The following IL1RAPL2 variants were observed in gnomAD, a reference collection of about 807,000 sequenced individuals.
IL1RAPL2 encodes the protein X-linked interleukin-1 receptor accessory protein-like 2.
Under a neutral mutation model 44.1 loss-of-function variants are expected in IL1RAPL2, and 3 were observed. The observed-to-expected ratio is 0.07, with a 90% confidence interval of 0.03 to 0.18. IL1RAPL2 has a LOEUF of 0.18. IL1RAPL2 is among the 10% of genes least tolerant of loss of function. IL1RAPL2 has a pLI of 1.00. For missense variants in IL1RAPL2, 391 were observed against 496.4 expected, an observed-to-expected ratio of 0.79 and a Z score of 2.02; for synonymous variants, 181 against 178.8, an observed-to-expected ratio of 1.01 and a Z score of -0.10.
intron 5 of IL1RAPL2, among the ~76,000 whole-genome samples, chrX:105,342,717 T>C (rs1465604699): frequency 8.9e-6 from 1 of 112,385 alleles, no homozygotes; most frequent in Non-Finnish European, 1.9e-5. Flanking sequence ...GGACAAAATG[T>C]TGAAAATATC....
chrX:104,935,605 C>T (rs1925005937), intron 2 of IL1RAPL2, among the ~76,000 whole-genome samples: 1 of 112,105 alleles, frequency 8.9e-6, no homozygotes, highest in Non-Finnish European at 1.9e-5. Context: ...CCGAGGCTTT[C>T]CTTCAAACAT....
intron 2 of IL1RAPL2, among the ~76,000 whole-genome samples, chrX:104,859,536 A>G (rs747398653): frequency 7.2e-5 from 8 of 111,879 alleles, no homozygotes; most frequent in Non-Finnish European, 1.3e-4. Context: ...TGTGTATCCA[A>G]TGTGAAACAT....
chrX:104,947,629 A>C (rs1215464241), intron 2 of IL1RAPL2, among the ~76,000 whole-genome samples: 2 of 105,425 alleles, frequency 1.9e-5, no homozygotes, highest in Non-Finnish European at 3.9e-5. Flanking sequence ...TCAGCTTTCT[A>C]CATATGGCTA....
At chrX:104,915,201 A>G (rs1924378661) in intron 2 of IL1RAPL2, among the ~76,000 whole-genome samples, 1 of 110,825 alleles carries the variant, frequency 9.0e-6, no homozygotes, top group Admixed American at 9.6e-5. Flanking sequence ...AAGTGTTCCT[A>G]TTTCTCCACA....
At chrX:104,869,957 ATC>A (rs904318745) in intron 2 of IL1RAPL2, among the ~76,000 whole-genome samples, 5 of 111,666 alleles carry the variant, frequency 4.5e-5, no homozygotes, top group African/African-American at 1.6e-4. Flanking sequence ...TTTTTTATTT[ATC>A]TCTGTTTAGA....
At chrX:105,520,425 C>T (rs1201181114) in intron 6 of IL1RAPL2, among the ~76,000 whole-genome samples, 1 of 111,647 alleles carries the variant, frequency 9.0e-6, no homozygotes, top group Admixed American at 9.5e-5. Flanking sequence ...GATTAATCAC[C>T]TGTCAAATTT....
At chrX:104,639,332 G>A (rs1929887760) in intron 1 of IL1RAPL2, among the ~76,000 whole-genome samples, 1 of 110,959 alleles carries the variant, frequency 9.0e-6, no homozygotes, top group African/African-American at 3.3e-5. Context: ...GGTAAGGTGA[G>A]TTTCTTGTAG....
chrX:105,513,229 A>G (rs2036484764), intron 6 of IL1RAPL2, among the ~76,000 whole-genome samples: 1 of 111,635 alleles, frequency 9.0e-6, no homozygotes, highest in South Asian at 3.8e-4. Context: ...CAATAAACAT[A>G]CGTGTGCATG....
chrX:104,878,610 A>G (rs148256070), intron 2 of IL1RAPL2, among the ~76,000 whole-genome samples: 1 of 111,920 alleles, frequency 8.9e-6, no homozygotes, highest in Non-Finnish European at 1.9e-5. Flanking sequence ...ATGGCTAATC[A>G]TAGTTAAACT....
At chrX:104,949,978 G>A (rs1402359983) in intron 2 of IL1RAPL2, among the ~76,000 whole-genome samples, 1 of 110,727 alleles carries the variant, frequency 9.0e-6, no homozygotes, top group African/African-American at 3.3e-5. Context: ...TATCCTTGTT[G>A]ACTTTCTGTC....
At chrX:104,671,014 T>A (rs1471344831) in intron 2 of IL1RAPL2, among the ~76,000 whole-genome samples, 2 of 111,508 alleles carry the variant, frequency 1.8e-5, no homozygotes, top group Non-Finnish European at 3.8e-5. Context: ...TTGTAGCATA[T>A]AATATATGGC....
At chrX:105,384,491 A>T (rs1034916723) in intron 5 of IL1RAPL2, among the ~76,000 whole-genome samples, 1 of 111,301 alleles carries the variant, frequency 9.0e-6, no homozygotes, top group African/African-American at 3.3e-5. Flanking sequence ...TGCCAGTAGC[A>T]TGCTGTTTTG....
chrX:105,683,793 T>G (rs1359502832), intron 6 of IL1RAPL2, among the ~76,000 whole-genome samples: 1 of 112,407 alleles, frequency 8.9e-6, no homozygotes, highest in Non-Finnish European at 1.9e-5. Flanking sequence ...CAGTGCATCC[T>G]TGCAATCTAG....
At chrX:105,127,845 GA>G (rs1213165468) in intron 2 of IL1RAPL2, among the ~76,000 whole-genome samples, 2 of 110,542 alleles carry the variant, frequency 1.8e-5, no homozygotes, top group African/African-American at 6.5e-5. Context: ...ACAGACAAAT[GA>G]AAAAAATTTT....
At chrX:105,510,733 A>T (rs945614737) in intron 6 of IL1RAPL2, among the ~76,000 whole-genome samples, 6 of 111,605 alleles carry the variant, frequency 5.4e-5, no homozygotes, top group African/African-American at 2.0e-4. Flanking sequence ...GACTTTGAAG[A>T]TGGTGGAAGG....
At chrX:105,463,215 T>C (rs987301023) in intron 5 of IL1RAPL2, among the ~76,000 whole-genome samples, 2 of 111,279 alleles carry the variant, frequency 1.8e-5, no homozygotes, top group African/African-American at 6.5e-5. Context: ...AAGTTTTCCC[T>C]TTATTAATAA....
intron 5 of IL1RAPL2, among the ~76,000 whole-genome samples, chrX:105,295,635 G>A (rs1345894923): frequency 1.8e-5 from 2 of 111,867 alleles, no homozygotes; most frequent in Non-Finnish European, 3.8e-5. Context: ...CTTTCAATGT[G>A]CCTATAGAGT....
chrX:104,782,537 A>C (rs943868807), intron 2 of IL1RAPL2, among the ~76,000 whole-genome samples: 2 of 111,989 alleles, frequency 1.8e-5, no homozygotes, highest in Non-Finnish European at 3.8e-5. Context: ...TACAGTAGTC[A>C]AACTTTTGTT....
At chrX:105,639,856 G>A (rs1569460872) in intron 6 of IL1RAPL2, among the ~76,000 whole-genome samples, 1 of 111,108 alleles carries the variant, frequency 9.0e-6, no homozygotes, top group Non-Finnish European at 1.9e-5. Flanking sequence ...AAATACCCAA[G>A]ACATGAAGCC....
Sources: allele counts gnomAD v4.1 joint callset (sites outside exome capture counted in the v4.1 genomes callset), GRCh38; gene constraint gnomAD v4.1.1; transcripts MANE v1.5; gene names NCBI Gene and HGNC (gene_info 2026-07-23, HGNC 2026-07-21).